DNER: variants seen among roughly 807,000 people sequenced by gnomAD.
The protein encoded by DNER is delta and Notch-like epidermal growth factor-related receptor.
Under a neutral mutation model 78.2 loss-of-function variants are expected in DNER, and 33 were observed. That is an observed-to-expected ratio of 0.42 (90% CI 0.32 to 0.56). The LOEUF (loss-of-function observed/expected upper bound fraction) is 0.56. Among genes scored for constraint, DNER ranks in the 20% least tolerant of loss-of-function variants. DNER has a pLI of 0.11. For missense variants in DNER, 918 were observed against 975.3 expected (o/e 0.94, Z 0.78); for synonymous variants, 417 against 384.8 (o/e 1.08, Z -0.98).
intron 5 of DNER, among the ~76,000 whole-genome samples, chr2:229,534,400 G>A (rs1008254756): frequency 5.9e-5 from 9 of 152,220 alleles, no homozygotes. Flanking sequence ...CCAATAGATT[G>A]TAATGAAACA....
chr2:229,619,278 C>T (rs980828612), intron 1 of DNER, among the ~76,000 whole-genome samples: 1 of 151,926 alleles, frequency 6.6e-6, no homozygotes, highest in Non-Finnish European at 1.5e-5. Context: ...CACTGTATGC[C>T]TGGAGAAGGC....
In DNER at chr2:229,627,096, G is replaced by A. The variant is rs142211540; in HGVS notation, c.277-35208C>T. On this transcript the variant is annotated intron_variant, in intron 1 of 12. Coordinates refer to ENST00000341772, the MANE Select transcript of DNER (RefSeq NM_139072.4). ...ATCAGAATGTCTCTTTGTATGCAGT[G>A]TAAATCTTTATGGTACCTCAACTTG... is the stretch of plus-strand genomic sequence containing the variant. Among the ~76,000 whole-genome samples, 326 of 152,302 alleles carry A rather than the reference G, an allele frequency of 2.1e-3. 1 individual carries two copies. Among genetic ancestry groups the A allele is most frequent in the African/African-American group, 7.5e-3 (311 of 41,562 alleles).
chr2:229,455,604 G>A (rs1032410167), intron 7 of DNER, among the ~76,000 whole-genome samples: 18 of 152,004 alleles, frequency 1.2e-4, no homozygotes, highest in Non-Finnish European at 2.2e-4. Flanking sequence ...CTAAACACAC[G>A]AACAGTTACT....
chr2:229,401,870 T>C (rs1221440005), intron 10 of DNER, among the ~76,000 whole-genome samples: 1 of 152,098 alleles, frequency 6.6e-6, no homozygotes, highest in African/African-American at 2.4e-5. Flanking sequence ...CCATATATAA[T>C]CAATTGTTTT....
At chr2:229,646,530 G>A (rs1412656033) in intron 1 of DNER, among the ~76,000 whole-genome samples, 1 of 152,244 alleles carries the variant, frequency 6.6e-6, no homozygotes, top group African/African-American at 2.4e-5. Flanking sequence ...GGAGGAAAAG[G>A]CTTGAGCCAG....
At chr2:229,459,648 C>T (rs1296851113) in intron 7 of DNER, among the ~76,000 whole-genome samples, 2 of 152,070 alleles carry the variant, frequency 1.3e-5, no homozygotes, top group African/African-American at 4.8e-5. Context: ...GTTTGTCTGA[C>T]TCCAAATCTG....
In DNER at chr2:229,414,554, G is replaced by A. The variant is rs116008883; in HGVS notation, c.1609+3554C>T. 7.5e-3 allele frequency among the ~76,000 whole-genome samples: 1,145 copies of A among 152,276 alleles called. 15 individuals carry two copies. The highest frequency in any genetic ancestry group is 0.026 in the African/African-American group (1,069 of 41,536). ...TTACAGGTGCGAGCCACCACACCAA[G>A]CCAGGAGTGAAATGTTTAACACACT... is the stretch of plus-strand genomic sequence containing the variant. On this transcript the variant is annotated intron_variant, in intron 9 of 12. Transcript: ENST00000341772.
intron 5 of DNER, 69 bp from the exon 6 acceptor site, chr2:229,513,005 T>G: frequency 6.7e-7 from 1 of 1,503,454 alleles, no homozygotes; most frequent in Non-Finnish European, 8.9e-7. Context: ...GCTGTGAGAC[T>G]CAAAGTTTGA....
At chr2:229,403,338 GA>G (rs983447410) in intron 10 of DNER, among the ~76,000 whole-genome samples, 1 of 151,774 alleles carries the variant, frequency 6.6e-6, no homozygotes, top group Non-Finnish European at 1.5e-5. Context: ...TCTCTTTAAG[GA>G]AAAAAATGGT....
In DNER at chr2:229,630,345, A is replaced by G. The variant is rs574433020; in HGVS notation, c.277-38457T>C. On this transcript the variant is annotated intron_variant, in intron 1 of 12. Coordinates refer to ENST00000341772, the MANE Select transcript of DNER (RefSeq NM_139072.4). ...ACAGAAATTAGCCGGGTATGCTGGC[A>G]CATTTCTGTGATCCCAGCTACTCAG... 1.9e-3 allele frequency among the ~76,000 whole-genome samples: 284 copies of G among 152,076 alleles called. 2 individuals carry two copies. The highest frequency in any genetic ancestry group is 0.01 in the Middle Eastern group (3 of 294).
At chr2:229,386,160 G>A (rs111828944) in intron 11 of DNER, among the ~76,000 whole-genome samples, 14,033 of 152,120 alleles carry the variant, frequency 0.092, 747 homozygotes, top group African/African-American at 0.12. Context: ...CCTCAGAAAT[G>A]ATGCCACATA....
chr2:229,671,801 G>A (rs1197607922), intron 1 of DNER, among the ~76,000 whole-genome samples: 1 of 152,146 alleles, frequency 6.6e-6, no homozygotes, highest in Non-Finnish European at 1.5e-5. Flanking sequence ...TATGCTTCAT[G>A]GTCTATTATT....
At chr2:229,588,966 G>A (rs1025683720) in intron 2 of DNER, among the ~76,000 whole-genome samples, 2 of 152,232 alleles carry the variant, frequency 1.3e-5, no homozygotes, top group East Asian at 3.8e-4. Context: ...GTGCTGATGG[G>A]TCCAGGAGCA....
chr2:229,608,012 ACT>A (rs1463083051), intron 1 of DNER, among the ~76,000 whole-genome samples: 3 of 119,178 alleles, frequency 2.5e-5, no homozygotes, highest in African/African-American at 1.0e-4. Flanking sequence ...ACAGAGCGAA[ACT>A]CTGTCTCAAA....
chr2:229,483,619 G>A (rs994709698), intron 6 of DNER, among the ~76,000 whole-genome samples: 2 of 152,114 alleles, frequency 1.3e-5, no homozygotes, highest in African/African-American at 4.8e-5. Flanking sequence ...TTCTCACAAG[G>A]GAACGCATAC....
intron 5 of DNER, among the ~76,000 whole-genome samples, chr2:229,546,354 T>G (rs545374818): frequency 1.3e-5 from 2 of 152,346 alleles, no homozygotes; most frequent in East Asian, 3.9e-4. Flanking sequence ...TTAAAACTAC[T>G]CCGTTAAGTT....
intron 1 of DNER, chr2:229,702,025 A>C (rs1301636731): frequency 1.0e-5 from 2 of 193,686 alleles, no homozygotes. Flanking sequence ...CCTTATTGGA[A>C]AGATCCAAAT....
intron 7 of DNER, among the ~76,000 whole-genome samples, chr2:229,457,992 C>T (rs1296224391): frequency 6.6e-6 from 1 of 151,120 alleles, no homozygotes; most frequent in Non-Finnish European, 1.5e-5. Context: ...AAAAATTAGT[C>T]AGGTGTGGTG....
rs1692138076 is a variant in DNER at position 229,358,476 on chromosome 2, T to C, written c.*64A>G. On this transcript the variant is annotated 3_prime_UTR_variant, in exon 13 of 13. Transcript: ENST00000341772. Reference sequence around the variant, plus strand: ...CATTTTAAATTTCTTAAGCTTTTTATTTTCTTAAAAATATTTAAATGAGTG... The same window carrying C: ...CATTTTAAATTTCTTAAGCTTTTTACTTTCTTAAAAATATTTAAATGAGTG... 1 of 1,287,940 alleles carries C rather than the reference T, an allele frequency of 7.8e-7. No individual in the cohort carries two copies. The highest frequency in any genetic ancestry group is 1.1e-6 in the Non-Finnish European group (1 of 951,554). 79.8% of individuals were successfully genotyped at this position (1,287,940 alleles called of 1,614,324 possible).
Sources: gnomAD v4.1 joint callset for allele counts (sites outside exome capture counted in the v4.1 genomes callset) on GRCh38, gnomAD v4.1.1 for gene constraint, MANE v1.5 for transcripts, NCBI Gene and HGNC (gene_info 2026-07-23, HGNC 2026-07-21) for gene names.